Variants in RAB27A observed in about 807,000 individuals in gnomAD.
RAB27A encodes RAB27A, member RAS oncogene family, also known as ras-related protein Rab-27A.
In RAB27A, 17 loss-of-function variants were observed where a neutral mutation model predicts 20.8. The observed-to-expected ratio is 0.82, with a 90% CI of 0.56 to 1.23. The LOEUF (loss-of-function observed/expected upper bound fraction) is 1.23, where lower values mean the gene tolerates loss of function less well. RAB27A is among the 50% of genes most tolerant of loss of function. RAB27A has a pLI of 0.00. For synonymous variants in RAB27A, 85 were observed against 92.8 expected (o/e 0.92, Z 0.48); for missense variants, 277 against 266.7 (o/e 1.04, Z -0.27).
intron 1 of RAB27A, among the ~76,000 whole-genome samples, chr15:55,274,829 T>TATATATAGAG (rs1244330728): frequency 3.6e-5 from 5 of 139,008 alleles, no homozygotes; most frequent in African/African-American, 7.8e-5. Flanking sequence ...TATATATGTA[T>TATATATAGAG]AGAGAGAGAC....
intron 2 of RAB27A, among the ~76,000 whole-genome samples, chr15:55,308,691 T>C (rs1010247314): frequency 1.3e-5 from 2 of 152,148 alleles, no homozygotes; most frequent in African/African-American, 2.4e-5. Flanking sequence ...GGGTTAAGAG[T>C]TGCACAAATG....
chr15:55,311,145 C>T (rs943971343), intron 2 of RAB27A, among the ~76,000 whole-genome samples: 1 of 152,164 alleles, frequency 6.6e-6, no homozygotes, highest in African/African-American at 2.4e-5. Flanking sequence ...TACCAGAGAT[C>T]GCCAAACTCT....
intron 5 of RAB27A, among the ~76,000 whole-genome samples, chr15:55,227,495 T>C (rs1895857526): frequency 6.6e-6 from 1 of 152,142 alleles, no homozygotes; most frequent in African/African-American, 2.4e-5. Context: ...CATTACTATA[T>C]TTGGGGAACT....
chr15:55,305,973 TG>T (rs2141144393), intron 2 of RAB27A, among the ~76,000 whole-genome samples: 1 of 152,322 alleles, frequency 6.6e-6, no homozygotes, highest in East Asian at 1.9e-4. Context: ...CATGATTGTA[TG>T]AATCTTGTTC....
chr15:55,303,068 A>G (rs1449653249), intron 2 of RAB27A, among the ~76,000 whole-genome samples: 20 of 123,604 alleles, frequency 1.6e-4, no homozygotes, highest in South Asian at 2.9e-4. Context: ...CAGCCGCGCC[A>G]TCCGGGAGGG....
At chr15:55,274,278 C>T (rs767509278) in intron 1 of RAB27A, among the ~76,000 whole-genome samples, 1 of 151,750 alleles carries the variant, frequency 6.6e-6, no homozygotes, top group Admixed American at 6.6e-5. Context: ...GCGATAAATG[C>T]CTCCATTAAG....
intron 6 of RAB27A, among the ~76,000 whole-genome samples, chr15:55,208,058 G>C (rs1283226657): frequency 6.6e-6 from 1 of 152,146 alleles, no homozygotes; most frequent in Non-Finnish European, 1.5e-5. Flanking sequence ...ATGTGCACGT[G>C]GCATCGTCTA....
chr15:55,274,031 G>A (rs1016353041), intron 1 of RAB27A, among the ~76,000 whole-genome samples: 4 of 152,086 alleles, frequency 2.6e-5, no homozygotes, highest in Non-Finnish European at 4.4e-5. Flanking sequence ...TAAGACGATC[G>A]AAATCATATT....
Position 55,235,461 on chromosome 15 carries a change from T to TAAATAA in RAB27A, c.-22-511_-22-506dup, listed in dbSNP as rs554935281. ...AAAACTCTGTCTCAAAATAAAAAAA[T>TAAATAA]AAATAAAAATAAAAATAAAAATAAA... On this transcript the variant is annotated intron_variant, in intron 2 of 6. Coordinates refer to ENST00000336787, the MANE Select transcript of RAB27A (RefSeq NM_183235.3). Among the ~76,000 whole-genome samples, 576 of 151,378 alleles carry TAAATAA rather than the reference T, an allele frequency of 3.8e-3. 2 individuals carry two copies. The highest frequency in any genetic ancestry group is 6.2e-3 in the Non-Finnish European group (418 of 67,804).
intron 2 of RAB27A, among the ~76,000 whole-genome samples, chr15:55,243,930 A>C (rs766106437): frequency 6.6e-6 from 1 of 152,184 alleles, no homozygotes; most frequent in Non-Finnish European, 1.5e-5. Flanking sequence ...ACATAACACA[A>C]TATGACATCA....
At chr15:55,302,949 T>C (rs2054979529) in intron 2 of RAB27A, among the ~76,000 whole-genome samples, 1 of 127,426 alleles carries the variant, frequency 7.8e-6, no homozygotes. Context: ...GAGGAGCATC[T>C]CCGCCCGGCA....
At chr15:55,246,340 A>C (rs1365091156) in intron 2 of RAB27A, among the ~76,000 whole-genome samples, 1 of 152,158 alleles carries the variant, frequency 6.6e-6, no homozygotes, top group African/African-American at 2.4e-5. Flanking sequence ...GTATGTTAGG[A>C]AACAAGAGGC....
At chr15:55,278,482 AT>A (rs11290945) in intron 1 of RAB27A, among the ~76,000 whole-genome samples, 52,658 of 137,292 alleles carry the variant, frequency 0.38, 12,489 homozygotes, top group East Asian at 0.71. Context: ...AATCATTATT[AT>A]TTTTTTTTTT....
chr15:55,275,602 G>A (rs964925666), intron 1 of RAB27A, among the ~76,000 whole-genome samples: 1 of 151,784 alleles, frequency 6.6e-6, no homozygotes, highest in Non-Finnish European at 1.5e-5. Context: ...CTCCAGCCAG[G>A]TGACAGAATG....
chr15:55,260,174 CAT>C (rs1006775381), intron 2 of RAB27A, among the ~76,000 whole-genome samples: 7 of 152,132 alleles, frequency 4.6e-5, no homozygotes, highest in Non-Finnish European at 1.0e-4. Flanking sequence ...GGCAAATATG[CAT>C]ATGAGAAGAT....
chr15:55,279,144 G>A (rs1353694205), intron 1 of RAB27A, among the ~76,000 whole-genome samples: 1 of 152,172 alleles, frequency 6.6e-6, no homozygotes, highest in East Asian at 1.9e-4. Flanking sequence ...AGTAGAGACA[G>A]CAGAAAGAGC....
intron 2 of RAB27A, among the ~76,000 whole-genome samples, chr15:55,243,883 A>C (rs1198863717): frequency 6.6e-6 from 1 of 152,206 alleles, no homozygotes; most frequent in Non-Finnish European, 1.5e-5. Context: ...TTTTCAAATA[A>C]GTCCATCTTT....
At chr15:55,213,582 C>T (rs1415704367) in intron 6 of RAB27A, among the ~76,000 whole-genome samples, 1 of 152,206 alleles carries the variant, frequency 6.6e-6, no homozygotes, top group African/African-American at 2.4e-5. Context: ...TCTGTATTTA[C>T]AGCTGCTCCC....
chr15:55,238,055 C>G (rs560735941), intron 2 of RAB27A: 41 of 152,280 alleles, frequency 2.7e-4, no homozygotes, highest in Middle Eastern at 3.4e-3. Context: ...CATAAAGGGA[C>G]TGTTAACAAA....
Sources: allele counts gnomAD v4.1 joint callset (sites outside exome capture counted in the v4.1 genomes callset), GRCh38; gene constraint gnomAD v4.1.1; transcripts MANE v1.5; gene names NCBI Gene and HGNC (gene_info 2026-07-23, HGNC 2026-07-21).